Variants in ZMYND8 observed in about 807,000 individuals in gnomAD.
The protein encoded by ZMYND8 is MYND-type zinc finger-containing chromatin reader ZMYND8.
In ZMYND8, 37 loss-of-function variants were observed where a neutral mutation model predicts 140.8. That is an observed-to-expected ratio of 0.26 (90% confidence interval 0.20 to 0.35). The LOEUF (loss-of-function observed/expected upper bound fraction) is 0.35. ZMYND8 is among the 10% of genes least tolerant of loss of function. ZMYND8 has a pLI of 1.00. For synonymous variants in ZMYND8, 592 were observed against 597.1 expected, an observed-to-expected ratio of 0.99 and a Z score of 0.12; for missense variants, 1,068 against 1,570.0, an observed-to-expected ratio of 0.68 and a Z score of 5.40.
intron 12 of ZMYND8, among the ~76,000 whole-genome samples, chr20:47,258,265 C>T (rs1041578979): frequency 3.3e-5 from 5 of 152,238 alleles, no homozygotes; most frequent in Non-Finnish European, 5.9e-5. Context: ...TTGCAGCAGA[C>T]AGGCCTGGGC....
intron 8 of ZMYND8, chr20:47,285,760 T>A (rs1028044838): frequency 1.0e-6 from 1 of 984,782 alleles, no homozygotes; most frequent in African/African-American, 1.7e-5. Flanking sequence ...ATTAAATGAA[T>A]GTCCATGTGT....
chr20:47,311,110 C>T (rs577037230), intron 2 of ZMYND8, among the ~76,000 whole-genome samples: 6 of 152,326 alleles, frequency 3.9e-5, no homozygotes, highest in African/African-American at 4.8e-5. Context: ...ATCATTTATT[C>T]GTGTTTAATA....
At chr20:47,242,278 G>A (rs980591833) in intron 14 of ZMYND8, among the ~76,000 whole-genome samples, 3 of 152,208 alleles carry the variant, frequency 2.0e-5, no homozygotes, top group Non-Finnish European at 4.4e-5. Flanking sequence ...TGGTTATCGA[G>A]ATGTTGCTGG....
intron 11 of ZMYND8, among the ~76,000 whole-genome samples, chr20:47,266,203 A>G (rs1450513345): frequency 2.7e-5 from 4 of 147,858 alleles, no homozygotes; most frequent in African/African-American, 1.0e-4. Flanking sequence ...TGTCCTCCCA[A>G]TATCATGAAT....
intron 16 of ZMYND8, among the ~76,000 whole-genome samples, chr20:47,231,255 G>A (rs2038439316): frequency 2.0e-5 from 3 of 152,190 alleles, no homozygotes; most frequent in Non-Finnish European, 4.4e-5. Flanking sequence ...GAGGGGACAA[G>A]AGATCAGGCT....
intron 2 of ZMYND8, among the ~76,000 whole-genome samples, chr20:47,313,748 A>G (rs1003778876): frequency 3.9e-5 from 6 of 151,994 alleles, no homozygotes; most frequent in Non-Finnish European, 5.9e-5. Context: ...ACTGGCCAAC[A>G]TGGTGAAACC....
At chr20:47,331,676 A>G (rs2080956033) in intron 2 of ZMYND8, among the ~76,000 whole-genome samples, 1 of 152,216 alleles carries the variant, frequency 6.6e-6, no homozygotes, top group African/African-American at 2.4e-5. Flanking sequence ...CCAGGGAAAC[A>G]GAAGGAAAAT....
At chr20:47,262,571 G>C in intron 11 of ZMYND8, 143 bp from the exon 12 acceptor site, 1 of 1,156,764 alleles carries the variant, frequency 8.6e-7, no homozygotes, top group Non-Finnish European at 1.2e-6. Flanking sequence ...ATGGGGTGGG[G>C]TGGAGCATAG....
intron 2 of ZMYND8, among the ~76,000 whole-genome samples, chr20:47,336,684 T>G (rs1303080164): frequency 5.3e-5 from 8 of 152,350 alleles, no homozygotes; most frequent in Admixed American, 2.6e-4. Context: ...AGCCCTCGGC[T>G]TCTTCTGACC....
chr20:47,349,818 G>C, intron 1 of ZMYND8: 4 of 1,534,078 alleles, frequency 2.6e-6, no homozygotes, highest in Non-Finnish European at 3.5e-6. Flanking sequence ...ATCTACAGTG[G>C]TGAGGGAAAC....
At chr20:47,255,804 GTATATA>G (rs371033807) in intron 12 of ZMYND8, among the ~76,000 whole-genome samples, 1 of 114,482 alleles carries the variant, frequency 8.7e-6, no homozygotes, top group African/African-American at 3.4e-5. Context: ...TATATATACC[GTATATA>G]TATATATTTG....
chr20:47,347,438 C>A (rs2082424130), intron 2 of ZMYND8, among the ~76,000 whole-genome samples: 1 of 152,232 alleles, frequency 6.6e-6, no homozygotes, highest in Admixed American at 6.5e-5. Flanking sequence ...TAACCCAAGA[C>A]CACCACTTTC....
intron 21 of ZMYND8, among the ~76,000 whole-genome samples, chr20:47,219,017 G>A (rs1171900135): frequency 6.8e-6 from 1 of 148,054 alleles, no homozygotes; most frequent in African/African-American, 2.5e-5. Flanking sequence ...AAGAGATCAA[G>A]ACCAACCTGG....
intron 16 of ZMYND8, among the ~76,000 whole-genome samples, chr20:47,231,259 T>C (rs1004038477): frequency 1.3e-5 from 2 of 152,178 alleles, no homozygotes; most frequent in Admixed American, 1.3e-4. Flanking sequence ...GGACAAGAGA[T>C]CAGGCTCTGT....
At chr20:47,256,592 C>T (rs973034945) in intron 12 of ZMYND8, among the ~76,000 whole-genome samples, 82 of 152,144 alleles carry the variant, frequency 5.4e-4, no homozygotes, top group African/African-American at 1.9e-3. Context: ...TGCACTCCAG[C>T]GTGGGCGACA....
intron 2 of ZMYND8, among the ~76,000 whole-genome samples, chr20:47,323,042 G>C (rs760111176): frequency 6.6e-6 from 1 of 152,180 alleles, no homozygotes; most frequent in African/African-American, 2.4e-5. Flanking sequence ...GCCTCTCTGT[G>C]ACTCAGTCAT....
At chr20:47,212,593 A>G in intron 22 of ZMYND8, 49 bp downstream of exon 22, 1 of 1,594,684 alleles carries the variant, frequency 6.3e-7, no homozygotes, top group Non-Finnish European at 8.6e-7. Flanking sequence ...AGCCTTCTGC[A>G]TACCAGGAAG....
Position 47,221,427 on chromosome 20 carries a change from G to A in ZMYND8, c.3304C>T (p.Leu1102=). 6.2e-7 allele frequency: 1 copy of A among 1,614,206 alleles called. No homozygotes were observed. ...GAGCTCCCCTGGGAGGACTTATTTAGTGTTTCTGTGTTCACCTCAGCATCC... is the reference window on the plus strand; with the variant it reads ...GAGCTCCCCTGGGAGGACTTATTTAATGTTTCTGTGTTCACCTCAGCATCC... The part of the protein sequence containing the change: ...EADAEVNTET[L]NKSSQGSSSS... Residue 1102 remains leucine (L), a synonymous_variant, in exon 20 of 23, where the codon CTA becomes TTA. Transcript: ENST00000471951.
At chr20:47,320,105 G>T (rs993553015) in intron 2 of ZMYND8, 1 of 152,168 alleles carries the variant, frequency 6.6e-6, no homozygotes, top group Non-Finnish European at 1.5e-5. Flanking sequence ...ATGGGGAATC[G>T]CGGCGTCAGA....
Sources: gnomAD v4.1 joint callset for allele counts (sites outside exome capture counted in the v4.1 genomes callset) on GRCh38, gnomAD v4.1.1 for gene constraint, MANE v1.5 for transcripts, NCBI Gene and HGNC (gene_info 2026-07-23, HGNC 2026-07-21) for gene names.